SLC26A7: variants seen among roughly 807,000 people sequenced by gnomAD.
SLC26A7 encodes the protein anion exchange transporter.
SLC26A7 carries 59 observed loss-of-function variants against 82.5 expected under a neutral mutation model. The ratio of observed to expected loss-of-function variants is 0.72; its 90% confidence interval spans 0.58 to 0.89. The LOEUF is 0.89. Among genes scored for constraint, SLC26A7 ranks in the 40% least tolerant of loss-of-function variants. The probability of loss-of-function intolerance (pLI) is 0.00; values close to 1 mark genes in which losing one functional copy is unlikely to be tolerated. For synonymous variants in SLC26A7, 271 were observed against 274.3 expected (o/e 0.99, Z 0.12); for missense variants, 820 against 793.0 (o/e 1.03, Z -0.41).
intron 4 of SLC26A7, among the ~76,000 whole-genome samples, chr8:91,296,693 A>G (rs1489687983): frequency 2.0e-5 from 3 of 152,216 alleles, no homozygotes; most frequent in Non-Finnish European, 4.4e-5. Context: ...CCTTGAAAGA[A>G]ATAGACCATT....
At chr8:91,309,526 T>C (rs917814325) in intron 4 of SLC26A7, among the ~76,000 whole-genome samples, 4 of 151,994 alleles carry the variant, frequency 2.6e-5, no homozygotes, top group Non-Finnish European at 5.9e-5. Flanking sequence ...ATAATACATA[T>C]TGCAATTCCA....
At chr8:91,235,855 A>G (rs1810386704) in intron 2 of SLC26A7, among the ~76,000 whole-genome samples, 1 of 152,144 alleles carries the variant, frequency 6.6e-6, no homozygotes, top group Admixed American at 6.5e-5. Flanking sequence ...CTTCTATAAT[A>G]TGCTCATATA....
intron 5 of SLC26A7, among the ~76,000 whole-genome samples, chr8:91,319,125 A>G (rs1210406662): frequency 6.6e-6 from 1 of 152,180 alleles, no homozygotes; most frequent in Non-Finnish European, 1.5e-5. Flanking sequence ...GAAGTAACTC[A>G]ATGAATGGAG....
upstream of SLC26A7, among the ~76,000 whole-genome samples, chr8:91,244,360 A>T (rs1159036962): frequency 8.6e-4 from 105 of 122,132 alleles, no homozygotes; most frequent in Middle Eastern, 5.8e-3. Context: ...CTTCTTTCTC[A>T]TTTTCTTCTT....
chr8:91,310,867 C>A (rs1812462187), intron 4 of SLC26A7, among the ~76,000 whole-genome samples: 1 of 152,176 alleles, frequency 6.6e-6, no homozygotes, highest in South Asian at 2.1e-4. Flanking sequence ...TCAAACAGTG[C>A]ACTTGGTCTC....
At chr8:91,292,231 G>T (rs549340644) in intron 3 of SLC26A7, among the ~76,000 whole-genome samples, 29 of 151,784 alleles carry the variant, frequency 1.9e-4, no homozygotes, top group Non-Finnish European at 3.5e-4. Context: ...GTGTGAACCC[G>T]GGAGGCAGAG....
intron 9 of SLC26A7, among the ~76,000 whole-genome samples, chr8:91,350,813 C>A (rs1329113074): frequency 1.3e-5 from 2 of 152,092 alleles, no homozygotes; most frequent in African/African-American, 4.8e-5. Flanking sequence ...ACATATGTTT[C>A]ATTTCTCTTA....
intron 2 of SLC26A7, among the ~76,000 whole-genome samples, chr8:91,220,230 C>T: frequency 6.6e-6 from 1 of 151,976 alleles, no homozygotes; most frequent in East Asian, 1.9e-4. Context: ...AATAAAAAAC[C>T]AAGTACAAAT....
chr8:91,258,694 G>A (rs893779604), intron 2 of SLC26A7, among the ~76,000 whole-genome samples: 3 of 152,048 alleles, frequency 2.0e-5, no homozygotes. Flanking sequence ...GTATTTAACA[G>A]ATGAAGGAAA....
At chr8:91,253,920 T>C (rs772915480) in intron 2 of SLC26A7, among the ~76,000 whole-genome samples, 8 of 152,136 alleles carry the variant, frequency 5.3e-5, no homozygotes, top group African/African-American at 9.7e-5. Context: ...AATTGTTCCA[T>C]TGCAGCATGC....
At chr8:91,312,734 T>C (rs895657076) in intron 4 of SLC26A7, among the ~76,000 whole-genome samples, 6 of 152,084 alleles carry the variant, frequency 3.9e-5, no homozygotes, top group Admixed American at 6.6e-5. Flanking sequence ...TGATTTGCAT[T>C]TTCTTAATGA....
intron 1 of SLC26A7, among the ~76,000 whole-genome samples, chr8:91,215,527 G>C (rs1228691737): frequency 6.6e-6 from 1 of 152,064 alleles, no homozygotes; most frequent in African/African-American, 2.4e-5. Context: ...AAAACACGTA[G>C]AGAATATAAT....
chr8:91,241,812 G>A (rs1483102063), intron 2 of SLC26A7, among the ~76,000 whole-genome samples: 1 of 152,066 alleles, frequency 6.6e-6, no homozygotes, highest in Non-Finnish European at 1.5e-5. Flanking sequence ...CTGCGTGACC[G>A]TATCTTAGAA....
chr8:91,334,493 C>T (rs1052288866), intron 6 of SLC26A7, 46 bp downstream of exon 6: 3 of 1,552,246 alleles, frequency 1.9e-6, no homozygotes, highest in Non-Finnish European at 2.6e-6. Flanking sequence ...CAAAGCTTTC[C>T]AGTTCTTGGG....
intron 15 of SLC26A7, among the ~76,000 whole-genome samples, chr8:91,386,278 T>C (rs889328337): frequency 1.3e-5 from 2 of 152,312 alleles, no homozygotes; most frequent in Non-Finnish European, 1.5e-5. Context: ...ATTACTATTA[T>C]GTTTGGTAGT....
intron 15 of SLC26A7, among the ~76,000 whole-genome samples, chr8:91,388,812 T>G (rs2130904250): frequency 6.6e-6 from 1 of 152,182 alleles, no homozygotes; most frequent in South Asian, 2.1e-4. Flanking sequence ...TTTCAGGGCC[T>G]GTCATACAGA....
At chr8:91,354,139 A>G (rs1247085276) in intron 11 of SLC26A7, among the ~76,000 whole-genome samples, 2 of 152,112 alleles carry the variant, frequency 1.3e-5, no homozygotes, top group Non-Finnish European at 2.9e-5. Flanking sequence ...GGCTCATGAA[A>G]ACAAAGAAAT....
intron 16 of SLC26A7, among the ~76,000 whole-genome samples, chr8:91,393,184 T>C (rs1808456680): frequency 1.3e-5 from 2 of 152,152 alleles, no homozygotes; most frequent in East Asian, 3.9e-4. Context: ...GACTTTGATT[T>C]GGGTGAATTT....
At chr8:91,337,826 G>A (rs550580639) in intron 6 of SLC26A7, among the ~76,000 whole-genome samples, 3 of 152,230 alleles carry the variant, frequency 2.0e-5, no homozygotes, top group East Asian at 3.9e-4. Context: ...AGGTTGGATT[G>A]TGCTGTCTTC....
Sources: gnomAD v4.1 joint callset for allele counts (sites outside exome capture counted in the v4.1 genomes callset) on GRCh38, gnomAD v4.1.1 for gene constraint, MANE v1.5 for transcripts, NCBI Gene and HGNC (gene_info 2026-07-23, HGNC 2026-07-21) for gene names.